Variants in CYB5A observed in about 807,000 individuals in gnomAD.
The protein encoded by CYB5A is cytochrome b5.
Under a neutral mutation model 16.2 loss-of-function variants are expected in CYB5A, and 10 were observed. The observed-to-expected ratio is 0.62, with a 90% CI of 0.38 to 1.04. The LOEUF (loss-of-function observed/expected upper bound fraction) is 1.04, where lower values mean the gene tolerates loss of function less well. CYB5A is among the 50% of genes least tolerant of loss of function. CYB5A has a pLI of 0.01. For missense variants in CYB5A, 161 were observed against 165.9 expected (o/e 0.97, Z 0.16); for synonymous variants, 62 against 57.0 (o/e 1.09, Z -0.40).
At chr18:74,281,763 G>GTGTGTGTGTGTGTGTGTGTT (rs960400983) in intron 1 of CYB5A, among the ~76,000 whole-genome samples, 1 of 150,640 alleles carries the variant, frequency 6.6e-6, no homozygotes, top group African/African-American at 2.5e-5. Flanking sequence ...GTGTGTGTGT[G>GTGTGTGTGTGTGTGTGTGTT]TGTGTATGTG....
chr18:74,257,031 A>G, intron 3 of CYB5A: 1 of 589,082 alleles, frequency 1.7e-6, no homozygotes, highest in Non-Finnish European at 3.0e-6. Flanking sequence ...AATAATCAAA[A>G]TATACAAAAA....
Position 74,251,827 on chromosome 18 carries a change from T to TA in CYB5A, c.*1756dup, listed in dbSNP as rs777226679. ...CAGCAGCAAATTGCTGAGTCACTGA[T>TA]AAAAATGTCAAAGTTCAACTGTTAT... On this transcript the variant is annotated 3_prime_UTR_variant, in exon 5 of 5. Coordinates refer to ENST00000340533, the MANE Select transcript of CYB5A (RefSeq NM_148923.4). 2 of 152,202 alleles carry TA rather than the reference T, an allele frequency of 1.3e-5. No individual in the cohort carries two copies. The highest frequency in any genetic ancestry group is 2.9e-5 in the Non-Finnish European group (2 of 68,032). 9.4% of individuals were successfully genotyped at this position (152,202 alleles called of 1,614,324 possible).
At chr18:74,255,592 T>A in intron 4 of CYB5A, 149 bp downstream of exon 4, 1 of 663,076 alleles carries the variant, frequency 1.5e-6, no homozygotes, top group Non-Finnish European at 2.7e-6. Flanking sequence ...TGAGGCTGAG[T>A]GCTCTGAACA....
chr18:74,278,257 T>C (rs1982959083), intron 1 of CYB5A, among the ~76,000 whole-genome samples: 1 of 152,184 alleles, frequency 6.6e-6, no homozygotes, highest in South Asian at 2.1e-4. Context: ...GGAGAGCCAC[T>C]TCGCTGAGAT....
chr18:74,286,145 G>A (rs1983312236), intron 1 of CYB5A, among the ~76,000 whole-genome samples: 1 of 152,238 alleles, frequency 6.6e-6, no homozygotes, highest in Admixed American at 6.5e-5. Flanking sequence ...TTGTAGTAGT[G>A]AGTGTGCAAA....
intron 1 of CYB5A, among the ~76,000 whole-genome samples, chr18:74,269,021 A>G (rs946763171): frequency 6.6e-6 from 1 of 152,182 alleles, no homozygotes; most frequent in African/African-American, 2.4e-5. Context: ...GCATCTATAA[A>G]GGTTAGCTAT....
chr18:74,257,286 C>G, intron 3 of CYB5A: 1 of 190,364 alleles, frequency 5.3e-6, no homozygotes, highest in Non-Finnish European at 1.1e-5. Context: ...AAACACTACT[C>G]TGGCACCAGC....
intron 1 of CYB5A, among the ~76,000 whole-genome samples, chr18:74,289,684 G>C (rs564006930): frequency 1.7e-4 from 26 of 151,328 alleles, no homozygotes; most frequent in Non-Finnish European, 2.9e-4. Context: ...GCTGAGGCAG[G>C]AGAATTGGTT....
chr18:74,288,569 G>A (rs1245831410), intron 1 of CYB5A, among the ~76,000 whole-genome samples: 1 of 152,228 alleles, frequency 6.6e-6, no homozygotes, highest in Admixed American at 6.5e-5. Context: ...GCGGGGAAGA[G>A]AGACAGAGAC....
chr18:74,259,851 G>A (rs908802670), intron 3 of CYB5A: 1 of 152,166 alleles, frequency 6.6e-6, no homozygotes, highest in Non-Finnish European at 1.5e-5. Flanking sequence ...AATTGTCACA[G>A]AGGCCATTGA....
intron 1 of CYB5A, among the ~76,000 whole-genome samples, chr18:74,264,265 G>A (rs1469220242): frequency 6.6e-6 from 1 of 151,392 alleles, no homozygotes; most frequent in African/African-American, 2.4e-5. Flanking sequence ...AACAACATAA[G>A]TTGCTTCCCC....
At chr18:74,286,826 C>A (rs1339172859) in intron 1 of CYB5A, among the ~76,000 whole-genome samples, 1 of 152,202 alleles carries the variant, frequency 6.6e-6, no homozygotes, top group African/African-American at 2.4e-5. Context: ...CCTTGATTGA[C>A]CAAAGCCGGC....
intron 3 of CYB5A, chr18:74,256,705 A>G: frequency 2.3e-6 from 2 of 877,424 alleles, no homozygotes; most frequent in Non-Finnish European, 3.7e-6. Flanking sequence ...AAAAAGCATT[A>G]GCAAAACAAT....
intron 3 of CYB5A, chr18:74,256,845 T>C (rs150657475): frequency 6.0e-4 from 971 of 1,613,852 alleles, no homozygotes; most frequent in Non-Finnish European, 7.7e-4. Flanking sequence ...AACACCGCCT[T>C]TAAGGTTCCT....
At chr18:74,272,301 C>T (rs1355014351) in intron 1 of CYB5A, among the ~76,000 whole-genome samples, 1 of 152,150 alleles carries the variant, frequency 6.6e-6, no homozygotes, top group African/African-American at 2.4e-5. Context: ...TGGTCCTGCT[C>T]CAGCCAATGG....
chr18:74,269,938 G>A (rs1982606854), intron 1 of CYB5A, among the ~76,000 whole-genome samples: 1 of 152,182 alleles, frequency 6.6e-6, no homozygotes, highest in East Asian at 1.9e-4. Context: ...GGCAGTAATG[G>A]TGATGCAGAG....
intron 1 of CYB5A, among the ~76,000 whole-genome samples, chr18:74,265,930 T>C (rs1025350423): frequency 6.6e-6 from 1 of 152,204 alleles, no homozygotes; most frequent in Non-Finnish European, 1.5e-5. Context: ...GGAGGCCACA[T>C]TTCAACATGA....
chr18:74,274,658 T>C (rs965152383), intron 1 of CYB5A, among the ~76,000 whole-genome samples: 1 of 152,230 alleles, frequency 6.6e-6, no homozygotes, highest in Admixed American at 6.5e-5. Context: ...GTTCCTTAGA[T>C]ACTCTACCCA....
chr18:74,286,283 T>C (rs1187350996), intron 1 of CYB5A, among the ~76,000 whole-genome samples: 1 of 152,256 alleles, frequency 6.6e-6, no homozygotes, highest in Non-Finnish European at 1.5e-5. Flanking sequence ...AATAAAGTTG[T>C]ATGTTTAAAA....
Sources: gnomAD v4.1 joint callset for allele counts (sites outside exome capture counted in the v4.1 genomes callset) on GRCh38, gnomAD v4.1.1 for gene constraint, MANE v1.5 for transcripts, NCBI Gene and HGNC (gene_info 2026-07-23, HGNC 2026-07-21) for gene names.